The following STRBP variants were observed in gnomAD, a reference collection of about 807,000 sequenced individuals.
STRBP encodes spermatid perinuclear RNA binding protein, also known as spermatid perinuclear RNA-binding protein.
In STRBP, 13 loss-of-function variants were observed where a neutral mutation model predicts 80.1. The ratio of observed to expected loss-of-function variants is 0.16; its 90% confidence interval spans 0.11 to 0.26. The LOEUF is 0.26. STRBP is among the 10% of genes least tolerant of loss of function. STRBP has a pLI of 1.00. For synonymous variants in STRBP, 284 were observed against 291.2 expected (o/e 0.98, Z 0.25); for missense variants, 485 against 815.2 (o/e 0.59, Z 4.93).
intron 1 of STRBP, among the ~76,000 whole-genome samples, chr9:123,251,852 T>C (rs2040924138): frequency 6.6e-6 from 1 of 152,206 alleles, no homozygotes; most frequent in Non-Finnish European, 1.5e-5. Flanking sequence ...CATTGTATAC[T>C]TTTCATTCCA....
At chr9:123,268,211 G>A (rs927404932) in intron 1 of STRBP, among the ~76,000 whole-genome samples, 1 of 151,794 alleles carries the variant, frequency 6.6e-6, no homozygotes, top group Non-Finnish European at 1.5e-5. Context: ...CGAAGCGGCC[G>A]GGGCACCGCA....
chr9:123,182,587 G>A (rs2038524305), intron 3 of STRBP, among the ~76,000 whole-genome samples: 1 of 152,050 alleles, frequency 6.6e-6, no homozygotes, highest in African/African-American at 2.4e-5. Context: ...AAAATGACAG[G>A]GAAAATCCCA....
In STRBP at chr9:123,124,147, G is replaced by T. The variant is rs2035812950; in HGVS notation, c.*1450C>A. ...CCGAAGGAATTTGGTACATACATTTGCCATATTTTGTGAAGCCCATTCTCA... is the reference window on the plus strand; with the variant it reads ...CCGAAGGAATTTGGTACATACATTTTCCATATTTTGTGAAGCCCATTCTCA... On this transcript the variant is annotated 3_prime_UTR_variant, in exon 19 of 19. Coordinates refer to ENST00000348403, the MANE Select transcript of STRBP (RefSeq NM_018387.5). 2.0e-6 allele frequency: 2 copies of T among 985,240 alleles called. No homozygotes were observed. Among genetic ancestry groups the T allele is most frequent in the Non-Finnish European group, 2.4e-6 (2 of 829,924 alleles). The allele number at this position is 985,240 out of a possible 1,614,324, so 61.0% of individuals were successfully genotyped here. A position where few individuals can be genotyped will look rare whatever the true frequency, so the allele number is the denominator to read the frequency against.
intron 3 of STRBP, among the ~76,000 whole-genome samples, chr9:123,183,014 C>CAA (rs745953031): frequency 1.3e-4 from 4 of 30,222 alleles, no homozygotes; most frequent in African/African-American, 2.5e-4. Flanking sequence ...GATCCTGTCT[C>CAA]AAAAAAAAAA....
intron 3 of STRBP, among the ~76,000 whole-genome samples, chr9:123,181,298 G>A (rs1588055606): frequency 6.6e-6 from 1 of 152,198 alleles, no homozygotes; most frequent in East Asian, 1.9e-4. Context: ...GAGCCATAGA[G>A]TTGGAAATGC....
At chr9:123,263,652 AT>A (rs2132659685) in intron 1 of STRBP, among the ~76,000 whole-genome samples, 1 of 152,290 alleles carries the variant, frequency 6.6e-6, no homozygotes, top group East Asian at 1.9e-4. Context: ...TTTAAAAATC[AT>A]TCCCCCTCAA....
rs966618411 is a variant in STRBP, at chr9:123,123,879, G to A, written c.*1718C>T. ...CCATAGGTCAGCAAAACGCATCAAT[G>A]AAACATGAAAACTCCCAGCTGAAAT... On this transcript the variant is annotated 3_prime_UTR_variant, in exon 19 of 19. Transcript: ENST00000348403. The A allele has an allele frequency of 1.2e-5, 12 of 985,250 alleles. No individual in the cohort carries two copies. The highest frequency in any genetic ancestry group is 1.3e-5 in the Non-Finnish European group (11 of 829,912). 61.0% of individuals were successfully genotyped at this position (985,250 alleles called of 1,614,324 possible). A position where few individuals can be genotyped will look rare whatever the true frequency, so the allele number is the denominator to read the frequency against.
chr9:123,199,107 G>A (rs1361583669), intron 2 of STRBP, among the ~76,000 whole-genome samples: 1 of 152,148 alleles, frequency 6.6e-6, no homozygotes, highest in Non-Finnish European at 1.5e-5. Flanking sequence ...ACCACATCCG[G>A]CTAATTTTTA....
chr9:123,151,624 T>C (rs1251707720), intron 11 of STRBP, among the ~76,000 whole-genome samples: 1 of 152,114 alleles, frequency 6.6e-6, no homozygotes, highest in African/African-American at 2.4e-5. Flanking sequence ...AAGTAAAAAA[T>C]AGCTTTAACT....
At chr9:123,259,892 G>A (rs2041124008) in intron 1 of STRBP, among the ~76,000 whole-genome samples, 1 of 152,230 alleles carries the variant, frequency 6.6e-6, no homozygotes, top group Non-Finnish European at 1.5e-5. Flanking sequence ...GCACCTATTT[G>A]TGCCAAACAC....
chr9:123,268,221 A>AGCGGCG (rs937400156), intron 1 of STRBP, among the ~76,000 whole-genome samples: 2 of 151,298 alleles, frequency 1.3e-5, no homozygotes, highest in Admixed American at 6.6e-5. Context: ...GGGGCACCGC[A>AGCGGCG]GCGGCGGCGG....
At chr9:123,121,526 C>T (rs1424092255), downstream of STRBP, 1 of 152,070 alleles carries the variant, frequency 6.6e-6, no homozygotes, top group African/African-American at 2.4e-5. Flanking sequence ...ATATTCACCA[C>T]CCGAGTCTTG....
chr9:123,173,941 G>A, intron 4 of STRBP, 99 bp from the exon 5 acceptor site: 2 of 1,283,910 alleles, frequency 1.6e-6, no homozygotes, highest in South Asian at 1.6e-5. Context: ...AACTGATAAG[G>A]GAGTATGTAA....
At chr9:123,145,751 T>C (rs1739538771) in intron 13 of STRBP, among the ~76,000 whole-genome samples, 1 of 152,216 alleles carries the variant, frequency 6.6e-6, no homozygotes, top group Non-Finnish European at 1.5e-5. Flanking sequence ...TTCCTGGATT[T>C]ACTTTTCCCC....
chr9:123,139,435 A>G, intron 14 of STRBP, 94 bp downstream of exon 14: 1 of 1,049,918 alleles, frequency 9.5e-7, no homozygotes, highest in Non-Finnish European at 1.3e-6. Context: ...AGGTTTGCAT[A>G]TGCTTTTGAT....
At chr9:123,192,676 T>C (rs2038964215) in intron 2 of STRBP, among the ~76,000 whole-genome samples, 5 of 152,188 alleles carry the variant, frequency 3.3e-5, no homozygotes. Flanking sequence ...TATCTAATAA[T>C]TCAAGGATAC....
chr9:123,134,861 C>T (rs1008897675), intron 16 of STRBP, among the ~76,000 whole-genome samples: 24 of 152,228 alleles, frequency 1.6e-4, no homozygotes, highest in Admixed American at 9.8e-4. Flanking sequence ...ATACTTTGTT[C>T]TATGTTTACC....
chr9:123,206,060 C>T (rs1232813544), intron 2 of STRBP, among the ~76,000 whole-genome samples: 1 of 152,152 alleles, frequency 6.6e-6, no homozygotes, highest in Non-Finnish European at 1.5e-5. Context: ...AGTTCCGGCT[C>T]GACTCCTAAC....
At chr9:123,228,115 C>T (rs1028869002) in intron 2 of STRBP, among the ~76,000 whole-genome samples, 1 of 152,104 alleles carries the variant, frequency 6.6e-6, no homozygotes, top group Non-Finnish European at 1.5e-5. Context: ...TTAACTCCAT[C>T]GGTTTTGGCC....
Sources: allele counts gnomAD v4.1 joint callset (sites outside exome capture counted in the v4.1 genomes callset), GRCh38; gene constraint gnomAD v4.1.1; transcripts MANE v1.5; gene names NCBI Gene and HGNC (gene_info 2026-07-23, HGNC 2026-07-21).